Variants in MIPEP observed in about 807,000 individuals in gnomAD.
MIPEP encodes mitochondrial intermediate peptidase.
In MIPEP, 79 loss-of-function variants were observed where a neutral mutation model predicts 90.3. That is an observed-to-expected ratio of 0.87 (90% CI 0.73 to 1.05). MIPEP has a LOEUF of 1.05. Among genes scored for constraint, MIPEP ranks in the 50% least tolerant of loss-of-function variants. The pLI is 0.00. For synonymous variants in MIPEP, 334 were observed against 315.8 expected (o/e 1.06, Z -0.61); for missense variants, 940 against 905.6 (o/e 1.04, Z -0.49).
intron 1 of MIPEP, among the ~76,000 whole-genome samples, chr13:23,887,203 A>G (rs1027323884): frequency 1.3e-5 from 2 of 152,232 alleles, no homozygotes; most frequent in South Asian, 2.1e-4. Flanking sequence ...AGACATTTCA[A>G]TATCTTGATA....
In MIPEP at chr13:23,879,371, T is replaced by C; in HGVS notation, c.453-17A>G. 7.5e-7 allele frequency: 1 copy of C among 1,335,790 alleles called. No homozygotes were observed. The highest frequency in any genetic ancestry group is 1.2e-5 in the South Asian group (1 of 81,752). 82.7% of individuals were successfully genotyped at this position (1,335,790 alleles called of 1,614,324 possible). Reference sequence around the variant, plus strand: ...GTGTTCAACCTAGAAAAAATAGAAATTTAAAAAATTAGATGATTTTCTAAT... The same window carrying C: ...GTGTTCAACCTAGAAAAAATAGAAACTTAAAAAATTAGATGATTTTCTAAT... On this transcript the variant is annotated splice_polypyrimidine_tract_variant and intron_variant, in intron 3 of 18. Transcript: ENST00000382172.
At chr13:23,843,539 G>GA (rs1329314089) in intron 10 of MIPEP, among the ~76,000 whole-genome samples, 4 of 152,218 alleles carry the variant, frequency 2.6e-5, no homozygotes, top group African/African-American at 9.6e-5. Flanking sequence ...TTGAGATAAA[G>GA]AAAAATAAAT....
chr13:23,833,268 C>T (rs1002783363), intron 14 of MIPEP, among the ~76,000 whole-genome samples: 4 of 152,214 alleles, frequency 2.6e-5, no homozygotes, highest in Non-Finnish European at 5.9e-5. Context: ...AAATAAACCT[C>T]CTTGGTGCCT....
intron 8 of MIPEP, among the ~76,000 whole-genome samples, chr13:23,863,878 T>C (rs1472293178): frequency 6.6e-6 from 1 of 152,216 alleles, no homozygotes; most frequent in African/African-American, 2.4e-5. Context: ...AAAAACATTT[T>C]GGTAAAGATT....
chr13:23,779,018 A>G (rs1306487988), intron 16 of MIPEP, among the ~76,000 whole-genome samples: 1 of 152,048 alleles, frequency 6.6e-6, no homozygotes, highest in Admixed American at 6.6e-5. Flanking sequence ...AACTTTCTCA[A>G]TCCTTTCTTG....
chr13:23,862,159 A>T, intron 9 of MIPEP, 143 bp downstream of exon 9: 1 of 596,552 alleles, frequency 1.7e-6, no homozygotes, highest in Non-Finnish European at 3.1e-6. Flanking sequence ...AAATATTTCA[A>T]CATCTTTATT....
Position 23,870,208 on chromosome 13 carries a change from G to A in MIPEP, c.604-13C>T. 6.7e-7 allele frequency: 1 copy of A among 1,482,280 alleles called. No individual in the cohort carries two copies. The highest frequency in any genetic ancestry group is 1.5e-5 in the South Asian group (1 of 67,516). The allele number at this position is 1,482,280 out of a possible 1,614,324, so 91.8% of individuals were successfully genotyped here. A position where few individuals can be genotyped will look rare whatever the true frequency, so the allele number is the denominator to read the frequency against. ...CTGCTCTTTTACGCTGTATGCAGGA[G>A]GAGTAAAAGTTATTTAAAGGCGTTT... On this transcript the variant is annotated splice_polypyrimidine_tract_variant and intron_variant, in intron 5 of 18. Coordinates refer to ENST00000382172, the MANE Select transcript of MIPEP (RefSeq NM_005932.4).
chr13:23,869,264 C>T (rs184233135), intron 7 of MIPEP, 28 bp downstream of exon 7: 491 of 1,535,612 alleles, frequency 3.2e-4, no homozygotes, highest in East Asian at 8.7e-4. Flanking sequence ...TCCTATTTTG[C>T]CCTTAAATGT....
At chr13:23,850,835 T>C (rs1869767579) in intron 10 of MIPEP, among the ~76,000 whole-genome samples, 1 of 152,202 alleles carries the variant, frequency 6.6e-6, no homozygotes, top group Non-Finnish European at 1.5e-5. Context: ...TAACCAAAAA[T>C]AACACCTATG....
At chr13:23,843,772 G>C (rs146823169) in intron 10 of MIPEP, among the ~76,000 whole-genome samples, 199 of 152,322 alleles carry the variant, frequency 1.3e-3, no homozygotes, top group African/African-American at 4.6e-3. Flanking sequence ...AGTGGGGTCA[G>C]GGATGAATGT....
chr13:23,830,044 T>C (rs982718198), intron 14 of MIPEP, among the ~76,000 whole-genome samples: 3 of 152,182 alleles, frequency 2.0e-5, no homozygotes, highest in Admixed American at 6.5e-5. Context: ...TTTGGCATTA[T>C]CTCATAAACT....
intron 10 of MIPEP, among the ~76,000 whole-genome samples, chr13:23,855,702 TTAAAA>T (rs1464721854): frequency 6.6e-6 from 1 of 152,260 alleles, no homozygotes; most frequent in Non-Finnish European, 1.5e-5. Context: ...ATTAAGCTAC[TTAAAA>T]TAGATTTTTA....
rs1241907978 is a variant in MIPEP at position 23,881,561 on chromosome 13, G to A, written c.452+138C>T. On this transcript the variant is annotated intron_variant, in intron 3 of 18. Coordinates refer to ENST00000382172, the MANE Select transcript of MIPEP (RefSeq NM_005932.4). ...ATGGCCTGTCCTGAGCCCTCCCTCCGGCCACCCCTGGTCACACACACCTCC... is the reference window on the plus strand; with the variant it reads ...ATGGCCTGTCCTGAGCCCTCCCTCCAGCCACCCCTGGTCACACACACCTCC... 25 of 702,734 alleles carry A rather than the reference G, an allele frequency of 3.6e-5. 1 individual carries two copies. Among genetic ancestry groups the A allele is most frequent in the South Asian group, 7.2e-5 (4 of 55,748 alleles). The allele number at this position is 702,734 out of a possible 1,614,324, so 43.5% of individuals were successfully genotyped here.
intron 3 of MIPEP, 46 bp downstream of exon 3, chr13:23,881,653 A>T (rs753683738): frequency 1.3e-6 from 2 of 1,492,340 alleles, no homozygotes; most frequent in South Asian, 1.1e-5. Context: ...ATGAAACCGG[A>T]TCACCCAGGA....
chr13:23,750,854 G>T (rs1952433958), intron 18 of MIPEP, among the ~76,000 whole-genome samples: 1 of 152,212 alleles, frequency 6.6e-6, no homozygotes, highest in African/African-American at 2.4e-5. Context: ...GGCTGCTGGA[G>T]TTGGCCCAGG....
At chr13:23,812,116 C>T (rs907850102) in intron 14 of MIPEP, among the ~76,000 whole-genome samples, 1 of 152,162 alleles carries the variant, frequency 6.6e-6, no homozygotes, top group African/African-American at 2.4e-5. Context: ...CAGTGGGCAA[C>T]AGCAGGTGTC....
chr13:23,757,831 T>C (rs529899996), intron 17 of MIPEP, among the ~76,000 whole-genome samples: 1 of 152,352 alleles, frequency 6.6e-6, no homozygotes, highest in Admixed American at 6.5e-5. Context: ...TCCAAACTAA[T>C]GGGACCTGGA....
intron 18 of MIPEP, among the ~76,000 whole-genome samples, chr13:23,750,643 C>A (rs140363506): frequency 1.8e-3 from 280 of 152,270 alleles, no homozygotes; most frequent in African/African-American, 6.6e-3. Context: ...GTGCTCTGGA[C>A]GGAACTCACT....
At position 23,806,014 on chromosome 13, in the gene MIPEP, G is replaced by C. The variant is rs958203066; in HGVS notation, c.1784C>G (p.Ser595Ter). ...TGTTTCCTTGAGAATGTCTGTGGTT[G>C]AATTCCTCAGGGGATGCTTCCCATG... is the stretch of plus-strand genomic sequence containing the variant. Reference protein sequence around the residue: ...IYHGKHPLRNSTTDILKETQE... With the variant: ...IYHGKHPLRN Residue 595 changes from serine (S) to a stop codon, truncating the protein, a stop_gained, in exon 16 of 19, where the codon TCA becomes TGA. Transcript: ENST00000382172. LOFTEE classifies it high-confidence loss of function. 3.1e-6 allele frequency: 5 copies of C among 1,613,776 alleles called. No individual in the cohort carries two copies. The African/African-American group carries it at 6.7e-5, about 22-fold the overall frequency.
Sources: gnomAD v4.1 joint callset for allele counts (sites outside exome capture counted in the v4.1 genomes callset) on GRCh38, gnomAD v4.1.1 for gene constraint, MANE v1.5 for transcripts, NCBI Gene and HGNC (gene_info 2026-07-23, HGNC 2026-07-21) for gene names.